Variants in ITPR2 observed in about 807,000 individuals in gnomAD.
ITPR2 encodes the protein inositol 1,4,5-trisphosphate-gated calcium channel ITPR2.
A neutral mutation model predicts 317.1 loss-of-function variants in ITPR2; 207 were observed. That is an observed-to-expected ratio of 0.65 (90% CI 0.58 to 0.73). The LOEUF is 0.73. Ranked by LOEUF, ITPR2 falls within the 30% of genes least tolerant of loss-of-function variation. The pLI, the probability that ITPR2 is intolerant of heterozygous loss-of-function variation, is 0.00. For missense variants in ITPR2, 2,613 were observed against 3,284.0 expected, an observed-to-expected ratio of 0.80 and a Z score of 4.99; for synonymous variants, 1,156 against 1,149.1, an observed-to-expected ratio of 1.01 and a Z score of -0.12.
At position 26,338,561 on chromosome 12, in the gene ITPR2, A is replaced by G. The variant is rs1311744662; in HGVS notation, c.*836T>C. 6.6e-6 allele frequency: 1 copy of G among 152,376 alleles called. No individual in the cohort carries two copies. The highest frequency in any genetic ancestry group is 1.5e-5 in the Non-Finnish European group (1 of 68,038). 9.4% of individuals were successfully genotyped at this position (152,376 alleles called of 1,614,324 possible). ...TCACTTTTAAGCATTTTCATGTATT[A>G]ATCTCAATATATTTTAATAGCATAC... On this transcript the variant is annotated 3_prime_UTR_variant, in exon 57 of 57. Coordinates refer to ENST00000381340, the MANE Select transcript of ITPR2 (RefSeq NM_002223.4).
At chr12:26,795,999 A>AG (rs35432304) in intron 1 of ITPR2, among the ~76,000 whole-genome samples, 4,269 of 96,428 alleles carry the variant, frequency 0.044, 134 homozygotes, top group African/African-American at 0.085. Flanking sequence ...ACAAAAAAAA[A>AG]GGGGGGGGGG....
At chr12:26,790,586 T>TACACACACACACAA (rs1555192766) in intron 1 of ITPR2, among the ~76,000 whole-genome samples, 6 of 147,708 alleles carry the variant, frequency 4.1e-5, no homozygotes, top group African/African-American at 1.3e-4. Context: ...CATATATGCT[T>TACACACACACACAA]ACACACACAC....
chr12:26,348,885 T>C (rs896163871), intron 55 of ITPR2, among the ~76,000 whole-genome samples: 2 of 151,322 alleles, frequency 1.3e-5, no homozygotes, highest in African/African-American at 2.4e-5. Context: ...TTGGTCAACA[T>C]ACCAAGACCT....
intron 45 of ITPR2, among the ~76,000 whole-genome samples, chr12:26,465,047 A>G (rs1942135051): frequency 6.6e-6 from 1 of 152,352 alleles, no homozygotes; most frequent in East Asian, 1.9e-4. Context: ...TTTGGAATTT[A>G]TCATGGTACA....
At chr12:26,445,716 T>C (rs548237463) in intron 45 of ITPR2, among the ~76,000 whole-genome samples, 1 of 152,150 alleles carries the variant, frequency 6.6e-6, no homozygotes, top group African/African-American at 2.4e-5. Context: ...TACCAAAGCT[T>C]AATTGTAGTG....
At position 26,380,773 on chromosome 12, in the gene ITPR2, G is replaced by A. The variant is rs550497399; in HGVS notation, c.7857+6661C>T. Among the ~76,000 whole-genome samples the A allele has an allele frequency of 2.6e-5, 4 of 152,226 alleles. No individual in the cohort carries two copies. In the South Asian group the frequency reaches 8.3e-4, roughly 32 times the overall value. ...TTAGAAGACTCGATGGCTTTCATGA[G>A]CCCAAACATCTCCCCTCCAACAGTT... On this transcript the variant is annotated intron_variant, in intron 55 of 56. Transcript: ENST00000381340.
At chr12:26,340,035 C>G (rs959818269) in intron 56 of ITPR2, 132 bp downstream of exon 56, 1 of 796,390 alleles carries the variant, frequency 1.3e-6, no homozygotes, top group African/African-American at 1.8e-5. Context: ...TACAGTACAA[C>G]GTGAGGTTTC....
chr12:26,569,030 ACC>A (rs778239521), intron 34 of ITPR2, among the ~76,000 whole-genome samples: 4 of 152,160 alleles, frequency 2.6e-5, no homozygotes, highest in Non-Finnish European at 5.9e-5. Flanking sequence ...TTGGTTCCAC[ACC>A]TTATACCTCA....
At chr12:26,471,023 G>A (rs951648765) in intron 45 of ITPR2, among the ~76,000 whole-genome samples, 1 of 152,194 alleles carries the variant, frequency 6.6e-6, no homozygotes, top group African/African-American at 2.4e-5. Context: ...AAAAGCTCAT[G>A]AAAAATTTTC....
intron 5 of ITPR2, chr12:26,721,434 TA>T: frequency 2.3e-6 from 1 of 441,614 alleles, no homozygotes; most frequent in Non-Finnish European, 4.1e-6. Flanking sequence ...AAAACACATT[TA>T]AAATGTAATC....
intron 34 of ITPR2, among the ~76,000 whole-genome samples, chr12:26,569,798 G>A (rs1286040370): frequency 1.3e-5 from 2 of 152,052 alleles, no homozygotes; most frequent in African/African-American, 4.8e-5. Flanking sequence ...TACAAGGTTG[G>A]CAAAAATCTA....
intron 13 of ITPR2, among the ~76,000 whole-genome samples, chr12:26,676,445 C>A (rs993200675): frequency 3.3e-5 from 5 of 150,024 alleles, no homozygotes; most frequent in African/African-American, 1.2e-4. Context: ...CCACTGCATT[C>A]CAGCCTGGGT....
At chr12:26,554,655 T>C (rs1028503666) in intron 36 of ITPR2, among the ~76,000 whole-genome samples, 1 of 152,216 alleles carries the variant, frequency 6.6e-6, no homozygotes, top group African/African-American at 2.4e-5. Context: ...ATATAGCTAT[T>C]GTATTATGTT....
Position 26,714,550 on chromosome 12 carries a change from A to G in ITPR2, c.855+749T>C, listed in dbSNP as rs376214882. Among the ~76,000 whole-genome samples the G allele has an allele frequency of 1.4e-4, 21 of 152,238 alleles. No homozygotes were observed. The South Asian group carries it at 3.3e-3, about 24-fold the overall frequency. Reference sequence around the variant, plus strand: ...ACTAATTCTACCTATTAGTATATAAATAATATTACCTATAAATTTCATTTT... The same window carrying G: ...ACTAATTCTACCTATTAGTATATAAGTAATATTACCTATAAATTTCATTTT... On this transcript the variant is annotated intron_variant, in intron 8 of 56. Transcript: ENST00000381340.
chr12:26,487,394 C>A (rs1452872536), intron 39 of ITPR2, 143 bp from the exon 40 acceptor site: 1 of 590,560 alleles, frequency 1.7e-6, no homozygotes, highest in Non-Finnish European at 2.9e-6. Flanking sequence ...ACAGCCTTTG[C>A]CAGTTTCTTG....
chr12:26,796,083 A>G (rs1362817444), intron 1 of ITPR2, among the ~76,000 whole-genome samples: 1 of 152,008 alleles, frequency 6.6e-6, no homozygotes, highest in Non-Finnish European at 1.5e-5. Context: ...CACAAGCTGC[A>G]CCTGCCCAGA....
chr12:26,546,480 T>A (rs1365892981), intron 37 of ITPR2, among the ~76,000 whole-genome samples: 1 of 152,170 alleles, frequency 6.6e-6, no homozygotes, highest in Admixed American at 6.6e-5. Flanking sequence ...TCCCTTAAGA[T>A]AATGACCTTC....
At chr12:26,783,912 A>G (rs2137188070) in intron 2 of ITPR2, among the ~76,000 whole-genome samples, 2 of 152,322 alleles carry the variant, frequency 1.3e-5, no homozygotes, top group African/African-American at 4.8e-5. Context: ...CGGGTCACAG[A>G]ATAGAGCAAA....
Position 26,686,599 on chromosome 12 carries a change from GT to G in ITPR2, c.1029del (p.Lys343AsnfsTer27). 4.3e-6 allele frequency: 7 copies of G among 1,610,544 alleles called. No homozygotes were observed. The highest frequency in any genetic ancestry group is 5.9e-6 in the Non-Finnish European group (7 of 1,178,076). On this transcript the variant is annotated frameshift_variant, in exon 11 of 57. Coordinates refer to ENST00000381340, the MANE Select transcript of ITPR2 (RefSeq NM_002223.4). LOFTEE classifies it high-confidence loss of function. The stretch of plus-strand genomic sequence containing the variant: ...TACATGATCTTCTCCCCTGCCTGGC[GT>G]TTTTTCTTTGAAGTTGGAGGGACTC... Reference protein sequence around the residue: ...RDGVPPTSKKKRQAGEKIMYT... With the variant: ...RDGVPPTSKKXRQAGEKIMYT...
Sources: allele counts gnomAD v4.1 joint callset (sites outside exome capture counted in the v4.1 genomes callset), GRCh38; gene constraint gnomAD v4.1.1; transcripts MANE v1.5; gene names NCBI Gene and HGNC (gene_info 2026-07-23, HGNC 2026-07-21).